AGPAT5: variants seen among roughly 807,000 people sequenced by gnomAD.
The protein encoded by AGPAT5 is 1-acylglycerol-3-phosphate O-acyltransferase 5.
In AGPAT5, 46 loss-of-function variants were observed where a neutral mutation model predicts 45.6. The ratio of observed to expected loss-of-function variants is 1.01; its 90% confidence interval spans 0.80 to 1.29. The LOEUF is 1.29. AGPAT5 is among the 50% of genes most tolerant of loss of function. AGPAT5 has a pLI of 0.00. For synonymous variants in AGPAT5, 272 were observed against 167.0 expected (o/e 1.63, Z -4.85); for missense variants, 673 against 450.7 (o/e 1.49, Z -4.47).
chr8:6,728,229 G>T lies in AGPAT5; in HGVS notation c.290-2482G>T, dbSNP rs567051271. Among the ~76,000 whole-genome samples the T allele has an allele frequency of 8.8e-4, 134 of 152,306 alleles. 1 individual carries two copies. Among genetic ancestry groups the T allele is most frequent in the African/African-American group, 3.1e-3 (129 of 41,564 alleles). ...GATTGCCATGGAAGATTCTCACACAGCCAAATTTATTGCTATCTTAGTTAA... is the reference window on the plus strand; with the variant it reads ...GATTGCCATGGAAGATTCTCACACATCCAAATTTATTGCTATCTTAGTTAA... On this transcript the variant is annotated intron_variant, in intron 2 of 7. Coordinates refer to ENST00000285518, the MANE Select transcript of AGPAT5 (RefSeq NM_018361.5).
intron 1 of AGPAT5, among the ~76,000 whole-genome samples, chr8:6,723,944 A>G (rs568273909): frequency 2.8e-4 from 43 of 152,246 alleles, no homozygotes; most frequent in Non-Finnish European, 6.0e-4. Flanking sequence ...AATCTTGCAT[A>G]ATCCATGATG....
At chr8:6,743,769 G>C (rs1471860466) in intron 5 of AGPAT5, among the ~76,000 whole-genome samples, 1 of 123,486 alleles carries the variant, frequency 8.1e-6, no homozygotes, top group Non-Finnish European at 1.9e-5. Flanking sequence ...AGCCCCTATG[G>C]TGGTTTTTTT....
chr8:6,737,728 G>C (rs1310489856), intron 4 of AGPAT5, among the ~76,000 whole-genome samples: 1 of 152,200 alleles, frequency 6.6e-6, no homozygotes, highest in Non-Finnish European at 1.5e-5. Flanking sequence ...TTTGAAATTA[G>C]ATTCAGGTTT....
chr8:6,741,446 A>T (rs1167378261), intron 4 of AGPAT5, among the ~76,000 whole-genome samples: 1 of 152,156 alleles, frequency 6.6e-6, no homozygotes, highest in African/African-American at 2.4e-5. Flanking sequence ...CAATGAATGT[A>T]GCACTGCATT....
At chr8:6,716,384 C>T (rs550438413) in intron 1 of AGPAT5, among the ~76,000 whole-genome samples, 5 of 151,882 alleles carry the variant, frequency 3.3e-5, no homozygotes, top group Non-Finnish European at 5.9e-5. Context: ...CATTGTGAAA[C>T]CCCATCTCTA....
At chr8:6,727,486 A>G (rs549178977) in intron 2 of AGPAT5, among the ~76,000 whole-genome samples, 1 of 151,738 alleles carries the variant, frequency 6.6e-6, no homozygotes, top group African/African-American at 2.4e-5. Context: ...GGTTCAAGCC[A>G]TTTTCCTGCC....
intron 6 of AGPAT5, among the ~76,000 whole-genome samples, chr8:6,753,578 T>C (rs2116962890): frequency 6.6e-6 from 1 of 152,268 alleles, no homozygotes; most frequent in Non-Finnish European, 1.5e-5. Flanking sequence ...CCCTACTTTA[T>C]AGACTTGCAC....
intron 5 of AGPAT5, among the ~76,000 whole-genome samples, 197 bp from the exon 6 acceptor site, chr8:6,747,473 G>A (rs1025082443): frequency 6.6e-6 from 1 of 152,222 alleles, no homozygotes; most frequent in South Asian, 2.1e-4. Flanking sequence ...TCAATATATA[G>A]CAAATGAATA....
At chr8:6,752,346 A>T (rs1313909176) in intron 6 of AGPAT5, among the ~76,000 whole-genome samples, 2 of 152,188 alleles carry the variant, frequency 1.3e-5, no homozygotes, top group Non-Finnish European at 2.9e-5. Flanking sequence ...TGGAGAGAGT[A>T]TGTGCCTTTA....
At chr8:6,747,205 A>G (rs1157473650) in intron 5 of AGPAT5, among the ~76,000 whole-genome samples, 3 of 152,368 alleles carry the variant, frequency 2.0e-5, no homozygotes, top group Admixed American at 6.5e-5. Context: ...ATAAAAAGGA[A>G]TGAAGCACTG....
rs551147347 is a variant in AGPAT5 at position 6,761,330 on chromosome 8, C to A, written c.*3942C>A. On this transcript the variant is annotated 3_prime_UTR_variant, in exon 8 of 8. Coordinates refer to ENST00000285518, the MANE Select transcript of AGPAT5 (RefSeq NM_018361.5). ...TATGTTCTGCAATTTTATAAATGTT[C>A]ATGTCTTTTTTTAAAAAAGGTGCTA... 2.6e-4 allele frequency among the ~76,000 whole-genome samples: 39 copies of A among 150,954 alleles called. No homozygotes were observed. Among genetic ancestry groups the A allele is most frequent in the African/African-American group, 9.4e-4 (38 of 40,360 alleles).
At chr8:6,755,247 C>G (rs183421077) in intron 7 of AGPAT5, 73 bp downstream of exon 7, 13 of 1,453,816 alleles carry the variant, frequency 8.9e-6, no homozygotes, top group African/African-American at 5.8e-5. Context: ...CAATTTGAAA[C>G]CAATGTAAAT....
chr8:6,745,111 C>T (rs1047939512), intron 5 of AGPAT5: 1 of 152,560 alleles, frequency 6.6e-6, no homozygotes, highest in African/African-American at 2.4e-5. Context: ...CCCAATATCC[C>T]TTTTGATTTC....
chr8:6,732,563 T>C lies in AGPAT5; in HGVS notation c.408T>C (p.His136=), dbSNP rs1490451776. ...TTCTCCCGATTTGATTGTGGCAGCA[T>C]GGAGGAATCTATGTAAAGCGCAGTG... ...LPLYGCYFAQ[H]GGIYVKRSAK... Residue 136 remains histidine, a splice_region_variant and synonymous_variant, in exon 4 of 8, where the codon CAT becomes CAC. Transcript: ENST00000285518. 1.2e-6 allele frequency: 2 copies of C among 1,601,024 alleles called. No individual in the cohort carries two copies. Among genetic ancestry groups the C allele is most frequent in the East Asian group, 2.3e-5 (1 of 44,324 alleles).
chr8:6,742,104 A>G (rs185682058), intron 5 of AGPAT5, among the ~76,000 whole-genome samples: 1 of 152,174 alleles, frequency 6.6e-6, no homozygotes, highest in East Asian at 1.9e-4. Context: ...TGACAGACCT[A>G]AGTTGGAGTC....
intron 1 of AGPAT5, among the ~76,000 whole-genome samples, chr8:6,716,931 T>C (rs1251037024): frequency 6.6e-6 from 1 of 152,182 alleles, no homozygotes; most frequent in Non-Finnish European, 1.5e-5. Flanking sequence ...GAATCTCACT[T>C]TTAAGGGATG....
In AGPAT5 at chr8:6,747,665, T is replaced by C; in HGVS notation, c.587-5T>C. 6.2e-7 allele frequency: 1 copy of C among 1,611,000 alleles called. No homozygotes were observed. Among genetic ancestry groups the C allele is most frequent in the South Asian group, 1.1e-5 (1 of 90,812 alleles). On this transcript the variant is annotated splice_polypyrimidine_tract_variant and splice_region_variant and intron_variant, in intron 5 of 7. Transcript: ENST00000285518. Reference sequence around the variant, plus strand: ...AATTAATGACGGCACTGAATTGACTTCTAGGCCTTGCAGTATTAAAACATG... The same window carrying C: ...AATTAATGACGGCACTGAATTGACTCCTAGGCCTTGCAGTATTAAAACATG...
intron 7 of AGPAT5, among the ~76,000 whole-genome samples, chr8:6,755,449 A>C (rs1295864320): frequency 2.0e-5 from 3 of 152,160 alleles, no homozygotes; most frequent in African/African-American, 7.2e-5. Flanking sequence ...AACAACAACA[A>C]ACACACAAAA....
Position 6,742,121 on chromosome 8 carries a change from C to T in AGPAT5, c.586+370C>T, listed in dbSNP as rs374067228. ...ACAGACCTAAGTTGGAGTCCAAACT[C>T]GTACTTTTATTAGCTGTATGGTTGC... is the stretch of plus-strand genomic sequence containing the variant. On this transcript the variant is annotated intron_variant, in intron 5 of 7. Coordinates refer to ENST00000285518, the MANE Select transcript of AGPAT5 (RefSeq NM_018361.5). Among the ~76,000 whole-genome samples the T allele has an allele frequency of 1.1e-4, 16 of 152,216 alleles. No individual in the cohort carries two copies. In the South Asian group the frequency reaches 3.3e-3, roughly 32 times the overall value.
Sources: gnomAD v4.1 joint callset for allele counts (sites outside exome capture counted in the v4.1 genomes callset) on GRCh38, gnomAD v4.1.1 for gene constraint, MANE v1.5 for transcripts, NCBI Gene and HGNC (gene_info 2026-07-23, HGNC 2026-07-21) for gene names.